ATP8A2: variants seen among roughly 807,000 people sequenced by gnomAD.
ATP8A2 encodes the protein ATPase phospholipid transporting 8A2, also known as phospholipid-transporting ATPase IB.
A neutral mutation model predicts 165.6 loss-of-function variants in ATP8A2; 100 were observed. The ratio of observed to expected loss-of-function variants is 0.60; its 90% CI spans 0.51 to 0.71. The LOEUF (loss-of-function observed/expected upper bound fraction) is 0.71, where lower values mean the gene tolerates loss of function less well. ATP8A2 is among the 30% of genes least tolerant of loss of function. The pLI, the probability that ATP8A2 is intolerant of heterozygous loss-of-function variation, is 0.00. For missense variants in ATP8A2, 1,227 were observed against 1,479.5 expected (o/e 0.83, Z 2.80); for synonymous variants, 543 against 548.8 (o/e 0.99, Z 0.15).
intron 33 of ATP8A2, among the ~76,000 whole-genome samples, chr13:25,939,827 T>C (rs1322898474): frequency 2.0e-5 from 3 of 152,248 alleles, no homozygotes; most frequent in East Asian, 1.9e-4. Flanking sequence ...CTCTCTGCCT[T>C]GCAGTTGACG....
rs549010215 is a variant in ATP8A2 at position 25,925,461 on chromosome 13, G to T, written c.3184-36114G>T. On this transcript the variant is annotated intron_variant, in intron 33 of 36. Transcript: ENST00000381655. ...AGGCAGGAGAATGGCGTGAGCTCTG[G>T]AAGGCAGAGCTTGCAGTGAGTTGAG... Among the ~76,000 whole-genome samples the T allele has an allele frequency of 3.3e-3, 498 of 149,596 alleles. 4 individuals are homozygous for T. The highest frequency in any genetic ancestry group is 0.01 in the Middle Eastern group (3 of 294).
rs187430438 is a variant in ATP8A2 at position 25,698,569 on chromosome 13, T to C, written c.2212-604T>C. Among the ~76,000 whole-genome samples, 10 of 152,246 alleles carry C rather than the reference T, an allele frequency of 6.6e-5. No individual in the cohort carries two copies. In the East Asian group the frequency reaches 1.7e-3, roughly 26 times the overall value. On this transcript the variant is annotated intron_variant, in intron 24 of 36. Transcript: ENST00000381655. ...TTAAATCTAAAAAATGTTATTGTGCTTTAATTCCATGTGATAATGGACATT... is the reference window on the plus strand; with the variant it reads ...TTAAATCTAAAAAATGTTATTGTGCCTTAATTCCATGTGATAATGGACATT...
At chr13:25,492,060 A>T (rs1246964293) in intron 2 of ATP8A2, among the ~76,000 whole-genome samples, 2 of 151,836 alleles carry the variant, frequency 1.3e-5, no homozygotes, top group African/African-American at 4.8e-5. Context: ...ATGCAGTTTT[A>T]TTTTTTTTGT....
chr13:25,861,280 G>C (rs916546052), intron 32 of ATP8A2, among the ~76,000 whole-genome samples: 4 of 151,938 alleles, frequency 2.6e-5, no homozygotes, highest in African/African-American at 9.7e-5. Flanking sequence ...TTAATAAGAT[G>C]ATGCATTATA....
intron 33 of ATP8A2, among the ~76,000 whole-genome samples, chr13:25,865,924 C>T (rs527530508): frequency 6.6e-6 from 1 of 151,920 alleles, no homozygotes; most frequent in Non-Finnish European, 1.5e-5. Flanking sequence ...GTTTTTTTTC[C>T]GTGGGGGACC....
At chr13:25,630,084 C>CG (rs1565994802) in intron 24 of ATP8A2, among the ~76,000 whole-genome samples, 145 of 123,310 alleles carry the variant, frequency 1.2e-3, no homozygotes, top group African/African-American at 4.4e-3. Flanking sequence ...TTTGTCCCCC[C>CG]CCCACCACCA....
chr13:25,529,351 C>T (rs867445828), intron 2 of ATP8A2, among the ~76,000 whole-genome samples: 79 of 152,232 alleles, frequency 5.2e-4, no homozygotes, highest in African/African-American at 1.8e-3. Context: ...TCTTGTCGTT[C>T]CCATAATCTG....
intron 36 of ATP8A2, among the ~76,000 whole-genome samples, chr13:26,013,152 G>C (rs1206721534): frequency 2.0e-5 from 3 of 151,678 alleles, no homozygotes; most frequent in African/African-American, 4.8e-5. Context: ...AGCTCAGGGG[G>C]AGCTCATGGG....
chr13:25,402,499 T>C (rs1181210968), intron 1 of ATP8A2, among the ~76,000 whole-genome samples: 3 of 152,234 alleles, frequency 2.0e-5, no homozygotes, highest in African/African-American at 7.2e-5. Context: ...TCTGTGCTGG[T>C]GTGCCCTGGC....
intron 27 of ATP8A2, among the ~76,000 whole-genome samples, chr13:25,783,074 T>G (rs1191893593): frequency 2.6e-5 from 4 of 152,238 alleles, no homozygotes; most frequent in African/African-American, 9.6e-5. Context: ...ATTCTTGTAT[T>G]GATATTTTTA....
intron 36 of ATP8A2, among the ~76,000 whole-genome samples, chr13:26,015,866 G>C (rs1236120302): frequency 6.6e-6 from 1 of 152,214 alleles, no homozygotes; most frequent in Non-Finnish European, 1.5e-5. Context: ...GGAGTGCAAA[G>C]AGCTGGAGGC....
chr13:25,385,526 A>G (rs2033009012), intron 1 of ATP8A2, among the ~76,000 whole-genome samples: 1 of 152,358 alleles, frequency 6.6e-6, no homozygotes, highest in Non-Finnish European at 1.5e-5. Flanking sequence ...AATAATTAAA[A>G]AAGACATTGT....
chr13:25,711,863 G>GT (rs540951188), intron 25 of ATP8A2, among the ~76,000 whole-genome samples: 9 of 152,192 alleles, frequency 5.9e-5, no homozygotes, highest in Non-Finnish European at 1.0e-4. Flanking sequence ...AAGCACTGCT[G>GT]TAAGAGAGCT....
rs1191317909 is a variant in ATP8A2, at chr13:25,763,398, CA to C, written c.2385-5647del. Among the ~76,000 whole-genome samples, 4 of 152,314 alleles carry C rather than the reference CA, an allele frequency of 2.6e-5. No individual in the cohort carries two copies. The East Asian group carries it at 7.7e-4, about 29-fold the overall frequency. On this transcript the variant is annotated intron_variant, in intron 25 of 36. Transcript: ENST00000381655. ...CACTCTCTTGCAGCTTCCTCAGTTA[CA>C]GCTCCTCGCCATGTGTAAGTTTTTA...
At chr13:25,879,628 G>T (rs1192833985) in intron 33 of ATP8A2, among the ~76,000 whole-genome samples, 1 of 152,156 alleles carries the variant, frequency 6.6e-6, no homozygotes, top group Admixed American at 6.5e-5. Context: ...CTTTGAGGTG[G>T]CCAGTGCTGG....
chr13:25,473,452 G>A (rs2137541809), intron 2 of ATP8A2, among the ~76,000 whole-genome samples: 1 of 152,312 alleles, frequency 6.6e-6, no homozygotes, highest in South Asian at 2.1e-4. Context: ...ATATACATAT[G>A]TAAGATTATG....
chr13:26,019,063 C>G (rs1325808630), intron 36 of ATP8A2, among the ~76,000 whole-genome samples: 1 of 152,078 alleles, frequency 6.6e-6, no homozygotes, highest in Non-Finnish European at 1.5e-5. Flanking sequence ...GGAAACAACC[C>G]TACTTTGATT....
intron 2 of ATP8A2, among the ~76,000 whole-genome samples, chr13:25,511,180 CTT>C: frequency 6.6e-6 from 1 of 152,310 alleles, no homozygotes; most frequent in African/African-American, 2.4e-5. Context: ...ATGTTTGCCT[CTT>C]TTCTAGTATA....
intron 19 of ATP8A2, among the ~76,000 whole-genome samples, chr13:25,576,562 C>A (rs570354296): frequency 6.7e-6 from 1 of 149,048 alleles, no homozygotes; most frequent in East Asian, 2.0e-4. Flanking sequence ...GTAGATGCTG[C>A]GGTGAGGGGA....
Sources: allele counts gnomAD v4.1 joint callset (sites outside exome capture counted in the v4.1 genomes callset), GRCh38; gene constraint gnomAD v4.1.1; transcripts MANE v1.5; gene names NCBI Gene and HGNC (gene_info 2026-07-23, HGNC 2026-07-21).